Variants in ZNF519 observed in about 807,000 individuals in gnomAD.
ZNF519 encodes the protein zinc finger protein 519.
A neutral mutation model predicts 7.4 loss-of-function variants in ZNF519; 7 were observed. That is an observed-to-expected ratio of 0.94 (90% confidence interval 0.54 to 1.77). The LOEUF (loss-of-function observed/expected upper bound fraction) is 1.77, where lower values mean the gene tolerates loss of function less well. Ranked by LOEUF, ZNF519 falls within the 40% of genes most tolerant of loss-of-function variation. ZNF519 has a pLI of 0.00. For synonymous variants in ZNF519, 179 were observed against 203.3 expected (o/e 0.88, Z 1.02); for missense variants, 586 against 623.1 (o/e 0.94, Z 0.63).
chr18:14,122,159 A>G (rs1598521953), intron 2 of ZNF519: 1 of 152,236 alleles, frequency 6.6e-6, no homozygotes, highest in East Asian at 1.9e-4. Flanking sequence ...TCTTTGAACT[A>G]TAATTTGAAA....
rs2046173275 is a variant in ZNF519, at chr18:14,103,696, CA to C, written c.*1220del. ...AATAACTTATGGAATCAACATTCTC[CA>C]AACTATTTGGAGTTTAATACCACTA... On this transcript the variant is annotated 3_prime_UTR_variant, in exon 3 of 3. Coordinates refer to ENST00000590202, the MANE Select transcript of ZNF519 (RefSeq NM_145287.4). The C allele has an allele frequency of 6.6e-6, 1 of 152,016 alleles. No individual in the cohort carries two copies. The highest frequency in any genetic ancestry group is 2.4e-5 in the African/African-American group (1 of 41,402). 9.4% of individuals were successfully genotyped at this position (152,016 alleles called of 1,614,324 possible). A position where few individuals can be genotyped will look rare whatever the true frequency, so the allele number is the denominator to read the frequency against.
chr18:14,098,213 T>G (rs2046145725), downstream of ZNF519, among the ~76,000 whole-genome samples: 1 of 149,900 alleles, frequency 6.7e-6, no homozygotes, highest in Non-Finnish European at 1.5e-5. Flanking sequence ...CATGCTGGAG[T>G]GCTGTGGCAC....
exon 5 of ZNF519, chr18:14,076,861 G>A (rs1463746048): frequency 6.6e-6 from 1 of 152,148 alleles, no homozygotes; most frequent in Non-Finnish European, 1.5e-5. Context: ...ATAAGGAGTA[G>A]ACAATGCATG....
chr18:14,073,971 A>C (rs1246225734), downstream of ZNF519: 1 of 152,182 alleles, frequency 6.6e-6, no homozygotes, highest in Non-Finnish European at 1.5e-5. Flanking sequence ...AGCTCTCCCC[A>C]AATAGGGACA....
chr18:14,113,733 T>A (rs1387790445), intron 2 of ZNF519, among the ~76,000 whole-genome samples: 1 of 151,516 alleles, frequency 6.6e-6, no homozygotes, highest in African/African-American at 2.4e-5. Flanking sequence ...TTCTCCATAG[T>A]AGCTGTAATA....
rs1354104526 is a variant in ZNF519, at chr18:14,130,423, C to G, written c.3+1852G>C. 3.3e-5 allele frequency among the ~76,000 whole-genome samples: 5 copies of G among 152,052 alleles called. No homozygotes were observed. In the South Asian group the frequency reaches 8.3e-4, roughly 25 times the overall value. ...ACTTTTTTTAAAAGCCCTTTTCTGC[C>G]TATCCTTTGAGATCCAATTTACAGT... On this transcript the variant is annotated intron_variant, in intron 1 of 2. Transcript: ENST00000590202.
Position 14,101,586 on chromosome 18 carries a change from C to CT in ZNF519, c.*3330dup. Reference sequence around the variant, plus strand: ...ATAGGGAAAGCCAAGGCACAAAGTCCTGTGAGTCATCAAGGTGGAGTCCTG... The same window carrying CT: ...ATAGGGAAAGCCAAGGCACAAAGTCCTTGTGAGTCATCAAGGTGGAGTCCTG... On this transcript the variant is annotated 3_prime_UTR_variant, in exon 3 of 3. Coordinates refer to ENST00000590202, the MANE Select transcript of ZNF519 (RefSeq NM_145287.4). The CT allele has an allele frequency of 2.5e-6, 1 of 398,234 alleles. No homozygotes were observed. The highest frequency in any genetic ancestry group is 4.4e-6 in the Non-Finnish European group (1 of 225,960). The allele number at this position is 398,234 out of a possible 1,614,324, so 24.7% of individuals were successfully genotyped here.
chr18:14,090,255 CAG>C (rs746746759), intron 2 of ZNF519: 7 of 152,262 alleles, frequency 4.6e-5, no homozygotes, highest in African/African-American at 7.2e-5. Context: ...CACTTGTGTT[CAG>C]AGTGTTCAGA....
Position 14,103,857 on chromosome 18 carries a change from A to T in ZNF519, c.*1060T>A, listed in dbSNP as rs1242816675. 1 of 152,132 alleles carries T rather than the reference A, an allele frequency of 6.6e-6. No individual in the cohort carries two copies. The highest frequency in any genetic ancestry group is 6.5e-5 in the Admixed American group (1 of 15,282). 9.4% of individuals were successfully genotyped at this position (152,132 alleles called of 1,614,324 possible). On this transcript the variant is annotated 3_prime_UTR_variant, in exon 3 of 3. Coordinates refer to ENST00000590202, the MANE Select transcript of ZNF519 (RefSeq NM_145287.4). ...AGGATAAGACATTATTCAATAAGCAACAGTGTTAACAAATTAAAAGACATT... is the reference window on the plus strand; with the variant it reads ...AGGATAAGACATTATTCAATAAGCATCAGTGTTAACAAATTAAAAGACATT...
intron 2 of ZNF519, among the ~76,000 whole-genome samples, chr18:14,092,782 C>G (rs1217329908): frequency 6.6e-6 from 1 of 152,172 alleles, no homozygotes; most frequent in Non-Finnish European, 1.5e-5. Flanking sequence ...TCCCCTAAGC[C>G]CTCTTGTCAA....
rs763010962 is a variant in ZNF519, at chr18:14,105,056, T to C, written c.1484A>G (p.Lys495Arg). The C allele has an allele frequency of 1.2e-6, 2 of 1,611,884 alleles. No homozygotes were observed. Among genetic ancestry groups the C allele is most frequent in the Non-Finnish European group, 1.7e-6 (2 of 1,179,104 alleles). ...EKFFKCKECG[K>R]AFTRSSHLTQ... ...AAGGTGTGAGCTCCTGGTAAAAGCT[T>C]TGCCACATTCTTTACATTTGAAGAA... Residue 495 changes from lysine to arginine, a missense_variant, in exon 3 of 3, where the codon AAA becomes AGA. By Grantham distance (26) the Lys-to-Arg change is conservative. Transcript: ENST00000590202.
chr18:14,096,623 C>T (rs1361277521), downstream of ZNF519, among the ~76,000 whole-genome samples: 2 of 152,172 alleles, frequency 1.3e-5, no homozygotes, highest in Non-Finnish European at 2.9e-5. Flanking sequence ...TTGAGCAATC[C>T]TCCCATCTCA....
intron 2 of ZNF519, among the ~76,000 whole-genome samples, chr18:14,085,948 G>T (rs1025454405): frequency 6.6e-6 from 1 of 152,158 alleles, no homozygotes; most frequent in African/African-American, 2.4e-5. Context: ...TAGTCAGGGC[G>T]TATCAGCATG....
chr18:14,098,155 C>T (rs962115086), downstream of ZNF519, among the ~76,000 whole-genome samples: 1 of 149,918 alleles, frequency 6.7e-6, no homozygotes, highest in African/African-American at 2.5e-5. Flanking sequence ...ATACAACTTT[C>T]ACTGTCTTTT....
At chr18:14,111,942 C>A (rs536405786) in intron 2 of ZNF519, among the ~76,000 whole-genome samples, 4 of 152,104 alleles carry the variant, frequency 2.6e-5, no homozygotes, top group Admixed American at 6.5e-5. Context: ...TACTCTCATA[C>A]TAAAACCAGA....
intron 2 of ZNF519, among the ~76,000 whole-genome samples, chr18:14,113,279 C>T (rs753478423): frequency 4.6e-5 from 7 of 152,178 alleles, no homozygotes; most frequent in Non-Finnish European, 1.0e-4. Flanking sequence ...ATTCAGTCAT[C>T]CCTCTGCTCA....
intron 1 of ZNF519, among the ~76,000 whole-genome samples, chr18:14,126,682 G>C (rs1567956268): frequency 6.6e-6 from 1 of 152,178 alleles, no homozygotes; most frequent in Non-Finnish European, 1.5e-5. Flanking sequence ...TGAGTCTCCA[G>C]ATCTCCTCAT....
chr18:14,071,461 C>T (rs1244688181), downstream of ZNF519: 1 of 152,010 alleles, frequency 6.6e-6, no homozygotes, highest in African/African-American at 2.4e-5. Context: ...AAAAATATAC[C>T]TCCGTTAAAC....
downstream of ZNF519, among the ~76,000 whole-genome samples, chr18:14,099,759 T>C (rs1482975693): frequency 2.0e-5 from 3 of 152,168 alleles, no homozygotes; most frequent in African/African-American, 7.2e-5. Context: ...CAAAAAGGTC[T>C]ACAAGTCTCC....
Sources: gnomAD v4.1 joint callset for allele counts (sites outside exome capture counted in the v4.1 genomes callset) on GRCh38, gnomAD v4.1.1 for gene constraint, MANE v1.5 for transcripts, NCBI Gene and HGNC (gene_info 2026-07-23, HGNC 2026-07-21) for gene names.